Variants in WWTR1 observed in about 807,000 individuals in gnomAD.
The protein encoded by WWTR1 is WW domain containing transcription regulator 1.
In WWTR1, 13 loss-of-function variants were observed where a neutral mutation model predicts 40.1. The ratio of observed to expected loss-of-function variants is 0.32; its 90% CI spans 0.21 to 0.52. The LOEUF is 0.52. Ranked by LOEUF, WWTR1 falls within the 20% of genes least tolerant of loss-of-function variation. The probability of loss-of-function intolerance (pLI) is 0.97; values close to 1 mark genes in which losing one functional copy is unlikely to be tolerated. For synonymous variants in WWTR1, 230 were observed against 210.1 expected (o/e 1.09, Z -0.82); for missense variants, 436 against 523.1 (o/e 0.83, Z 1.63).
At chr3:149,571,418 C>T (rs1737625481) in intron 3 of WWTR1, among the ~76,000 whole-genome samples, 1 of 152,094 alleles carries the variant, frequency 6.6e-6, no homozygotes, top group Admixed American at 6.5e-5. Context: ...GATTTCTACA[C>T]GAGCTCCTGT....
intron 2 of WWTR1, among the ~76,000 whole-genome samples, chr3:149,646,709 T>G (rs557347511): frequency 4.1e-4 from 62 of 152,256 alleles, no homozygotes; most frequent in Non-Finnish European, 5.9e-5. Flanking sequence ...GACAGATAAA[T>G]TAGATAACCG....
chr3:149,543,185 G>A (rs961565313), intron 3 of WWTR1, among the ~76,000 whole-genome samples: 1 of 152,188 alleles, frequency 6.6e-6, no homozygotes, highest in Non-Finnish European at 1.5e-5. Flanking sequence ...ATGCAGAAAT[G>A]CTAAACATGT....
chr3:149,685,243 T>A lies in WWTR1; in HGVS notation c.-107-15352A>T, dbSNP rs77641578. ...CTATTTAGAGTCTCTCTCCCGAGAG[T>A]TTGGAACTGAAACATAGAAGACCTG... is the stretch of plus-strand genomic sequence containing the variant. On this transcript the variant is annotated intron_variant, in intron 1 of 7. Transcript: ENST00000465804. Among the ~76,000 whole-genome samples the A allele has an allele frequency of 4.1e-3, 629 of 152,004 alleles. 4 individuals are homozygous for A. Among genetic ancestry groups the A allele is most frequent in the African/African-American group, 0.015 (605 of 41,460 alleles).
intron 2 of WWTR1, among the ~76,000 whole-genome samples, chr3:149,605,883 G>T (rs1407530461): frequency 2.6e-5 from 4 of 152,114 alleles, no homozygotes; most frequent in Non-Finnish European, 1.5e-5. Flanking sequence ...AAGACAAACA[G>T]GTACTGTCAC....
In WWTR1 at chr3:149,518,032, A is replaced by G. The variant is rs1734869737; in HGVS notation, c.*2773T>C. ...TATCAAGAATTCTGCAGGGGTTTTA[A>G]CACTTACAATAATAGGAAATAGCCA... On this transcript the variant is annotated 3_prime_UTR_variant, in exon 7 of 7. Transcript: ENST00000360632. The G allele has an allele frequency of 6.6e-6, 1 of 152,142 alleles. No individual in the cohort carries two copies. Among genetic ancestry groups the G allele is most frequent in the African/African-American group, 2.4e-5 (1 of 41,446 alleles). 9.4% of individuals were successfully genotyped at this position (152,142 alleles called of 1,614,324 possible). A position where few individuals can be genotyped will look rare whatever the true frequency, so the allele number is the denominator to read the frequency against.
chr3:149,668,174 G>A (rs1713913969), intron 2 of WWTR1, among the ~76,000 whole-genome samples: 1 of 152,204 alleles, frequency 6.6e-6, no homozygotes, highest in Admixed American at 6.5e-5. Flanking sequence ...TCTCATAAGT[G>A]TAAAAGACTG....
intron 5 of WWTR1, among the ~76,000 whole-genome samples, chr3:149,716,172 C>T (rs1715604054): frequency 2.0e-5 from 3 of 152,016 alleles, no homozygotes; most frequent in African/African-American, 7.3e-5. Flanking sequence ...CACTTGAGGG[C>T]AGGAGTTTGT....
intron 2 of WWTR1, among the ~76,000 whole-genome samples, chr3:149,587,390 G>C (rs866606389): frequency 3.3e-5 from 5 of 152,076 alleles, no homozygotes; most frequent in African/African-American, 4.8e-5. Context: ...CAGCAGTAAT[G>C]ATGATGACCC....
chr3:149,520,583 C>T lies in WWTR1; in HGVS notation c.*222G>A, dbSNP rs529870388. On this transcript the variant is annotated 3_prime_UTR_variant, in exon 7 of 7. Transcript: ENST00000360632. ...AATTCTGTATAATCTGTCACAAGAACGCAGGCTTGCAGAAAATGAAAATAG... is the reference window on the plus strand; with the variant it reads ...AATTCTGTATAATCTGTCACAAGAATGCAGGCTTGCAGAAAATGAAAATAG... 35 of 399,258 alleles carry T rather than the reference C, an allele frequency of 8.8e-5. No individual in the cohort carries two copies. Among genetic ancestry groups the T allele is most frequent in the East Asian group, 2.4e-4 (6 of 25,514 alleles). The allele number at this position is 399,258 out of a possible 1,614,324, so 24.7% of individuals were successfully genotyped here.
At chr3:149,536,768 A>G (rs79025504) in intron 4 of WWTR1, among the ~76,000 whole-genome samples, 2 of 147,658 alleles carry the variant, frequency 1.4e-5, no homozygotes, top group East Asian at 3.9e-4. Context: ...AAAAAAAAAA[A>G]AAAAGAAAGA....
intron 2 of WWTR1, among the ~76,000 whole-genome samples, chr3:149,668,460 T>C (rs1029122606): frequency 2.0e-5 from 3 of 151,854 alleles, no homozygotes; most frequent in Non-Finnish European, 2.9e-5. Flanking sequence ...TACAAAAAAT[T>C]AGCCGGGCAT....
At chr3:149,607,474 C>T (rs1289776036) in intron 2 of WWTR1, among the ~76,000 whole-genome samples, 1 of 152,072 alleles carries the variant, frequency 6.6e-6, no homozygotes, top group African/African-American at 2.4e-5. Context: ...GCCGCAATGC[C>T]CGGGTAAATT....
chr3:149,566,925 A>C (rs1188359839), intron 3 of WWTR1, among the ~76,000 whole-genome samples: 2 of 152,122 alleles, frequency 1.3e-5, no homozygotes, highest in African/African-American at 4.8e-5. Context: ...GGGGTAAGTA[A>C]GTGCGTGTGT....
At chr3:149,562,819 C>T (rs867755908) in intron 3 of WWTR1, among the ~76,000 whole-genome samples, 45 of 152,062 alleles carry the variant, frequency 3.0e-4, no homozygotes, top group African/African-American at 9.9e-4. Flanking sequence ...TGCAAAACAC[C>T]CAGGGAATAA....
chr3:149,583,217 C>T (rs1468186968), intron 2 of WWTR1, among the ~76,000 whole-genome samples: 1 of 152,184 alleles, frequency 6.6e-6, no homozygotes, highest in African/African-American at 2.4e-5. Context: ...CCACCCGCTT[C>T]GGCCTCCCAA....
intron 3 of WWTR1, among the ~76,000 whole-genome samples, chr3:149,554,041 C>T (rs1379781357): frequency 2.0e-5 from 3 of 152,066 alleles, no homozygotes; most frequent in Admixed American, 6.5e-5. Flanking sequence ...CAGTATTAGC[C>T]ATCCAACAAG....
chr3:149,637,607 AC>A (rs1711910435), intron 2 of WWTR1, among the ~76,000 whole-genome samples: 1 of 152,166 alleles, frequency 6.6e-6, no homozygotes, highest in Non-Finnish European at 1.5e-5. Context: ...ACAATACAAC[AC>A]CAGTTCCATA....
At chr3:149,622,490 GAAGGAAGGAAGGAAGAAAGAAAGA>G (rs1740333929) in intron 2 of WWTR1, among the ~76,000 whole-genome samples, 3 of 62,648 alleles carry the variant, frequency 4.8e-5, no homozygotes, top group African/African-American at 1.5e-4. Flanking sequence ...AGGAAGGAAG[GAAGGAAGGAAGGAAGAAAGAAAGA>G]AAGAAAGAAA....
chr3:149,591,887 C>A (rs979430934), intron 2 of WWTR1, among the ~76,000 whole-genome samples: 1 of 150,150 alleles, frequency 6.7e-6, no homozygotes, highest in East Asian at 2.0e-4. Flanking sequence ...AGAAACATTG[C>A]GGGAGGGGGT....
Sources: gnomAD v4.1 joint callset for allele counts (sites outside exome capture counted in the v4.1 genomes callset) on GRCh38, gnomAD v4.1.1 for gene constraint, MANE v1.5 for transcripts, NCBI Gene and HGNC (gene_info 2026-07-23, HGNC 2026-07-21) for gene names.